PCDHA10: variants seen among roughly 807,000 people sequenced by gnomAD.
PCDHA10 encodes the protein protocadherin alpha 10, also known as protocadherin alpha-10.
PCDHA10 carries 45 observed loss-of-function variants against 61.2 expected under a neutral mutation model. The observed-to-expected ratio is 0.74, with a 90% CI of 0.58 to 0.94. The LOEUF (loss-of-function observed/expected upper bound fraction) is 0.94, where lower values mean the gene tolerates loss of function less well. PCDHA10 is among the 40% of genes least tolerant of loss of function. The pLI, the probability that PCDHA10 is intolerant of heterozygous loss-of-function variation, is 0.00. For synonymous variants in PCDHA10, 602 were observed against 548.8 expected (o/e 1.10, Z -1.35); for missense variants, 1,278 against 1,236.2 (o/e 1.03, Z -0.51).
chr5:140,869,028 G>T, intron 1 of PCDHA10: 1 of 1,526,584 alleles, frequency 6.6e-7, no homozygotes, highest in Middle Eastern at 1.8e-4. Context: ...AATTCAACGA[G>T]ATTTTTAACC....
intron 1 of PCDHA10, chr5:140,929,229 C>T: frequency 6.2e-7 from 1 of 1,613,880 alleles, no homozygotes; most frequent in South Asian, 1.1e-5. Context: ...ATGCTGCCGA[C>T]CTGCGAAATC....
At chr5:140,887,376 G>A (rs1169212781) in intron 1 of PCDHA10, among the ~76,000 whole-genome samples, 1 of 152,158 alleles carries the variant, frequency 6.6e-6, no homozygotes, top group Non-Finnish European at 1.5e-5. Context: ...GATTACAGGT[G>A]TGAGCCACCG....
At chr5:140,918,279 G>A (rs1554198513) in intron 1 of PCDHA10, among the ~76,000 whole-genome samples, 1 of 152,078 alleles carries the variant, frequency 6.6e-6, no homozygotes, top group African/African-American at 2.4e-5. Context: ...TCAGATGTAG[G>A]AGCTTTTTGG....
At chr5:140,986,231 C>A (rs2097191592) in intron 3 of PCDHA10, among the ~76,000 whole-genome samples, 1 of 152,210 alleles carries the variant, frequency 6.6e-6, no homozygotes, top group African/African-American at 2.4e-5. Context: ...AGCCTCCCCT[C>A]TGTGTGAGCA....
intron 1 of PCDHA10, among the ~76,000 whole-genome samples, chr5:140,878,711 G>A (rs944193090): frequency 6.6e-5 from 10 of 152,156 alleles, no homozygotes; most frequent in East Asian, 1.9e-4. Context: ...GGTAGTAAAG[G>A]CATTAAAATT....
intron 1 of PCDHA10, chr5:140,968,646 C>T (rs2153772882): frequency 6.2e-7 from 1 of 1,614,216 alleles, no homozygotes; most frequent in Non-Finnish European, 8.5e-7. Context: ...CTAGCCCAGA[C>T]TTCTGACCTG....
chr5:140,915,882 C>T lies in PCDHA10; in HGVS notation c.2388+57446C>T, dbSNP rs181276676. Among the ~76,000 whole-genome samples, 3 of 152,314 alleles carry T rather than the reference C, an allele frequency of 2.0e-5. No homozygotes were observed. In the East Asian group the frequency reaches 5.8e-4, roughly 29 times the overall value. ...GTTTGCATCCTTCCCTTTAGGGTAG[C>T]AAGTTCCCCCTGGCCCTGGGCAGGC... On this transcript the variant is annotated intron_variant, in intron 1 of 3. Coordinates refer to ENST00000307360, the MANE Select transcript of PCDHA10 (RefSeq NM_018901.4).
rs782327077 is a variant in PCDHA10 at position 140,857,883 on chromosome 5, C to T, written c.1835C>T (p.Ser612Leu). ...GCGTGGCTGTCGTATGAATTGCAGT[C>T]GGCGGCGGTTGGTGCACGCATCCCG... ...YNAWLSYELQSAAVGARIPFR... is the reference protein window; with the variant it reads ...YNAWLSYELQLAAVGARIPFR... Residue 612 changes from serine (S) to leucine (L), a missense_variant, in exon 1 of 4, where the codon TCG (serine) becomes TTG (leucine). Physicochemically the swap from Ser to Leu is moderately radical, Grantham distance 145. Transcript: ENST00000307360. 6.3e-7 allele frequency: 1 copy of T among 1,597,548 alleles called. No homozygotes were observed. The highest frequency in any genetic ancestry group is 1.7e-5 in the Admixed American group (1 of 59,226).
intron 3 of PCDHA10, among the ~76,000 whole-genome samples, chr5:141,007,315 C>A (rs1207897662): frequency 1.3e-5 from 2 of 148,308 alleles, no homozygotes; most frequent in Admixed American, 1.4e-4. Flanking sequence ...TTTTGGGAGG[C>A]TAAAGTGGAC....
intron 1 of PCDHA10, among the ~76,000 whole-genome samples, chr5:140,974,766 G>A (rs2096639663): frequency 6.6e-6 from 1 of 152,158 alleles, no homozygotes; most frequent in Non-Finnish European, 1.5e-5. Flanking sequence ...GGGATTACAG[G>A]TATGAGCCAC....
chr5:140,935,044 G>C (rs1246943645), intron 1 of PCDHA10, among the ~76,000 whole-genome samples: 1 of 151,942 alleles, frequency 6.6e-6, no homozygotes, highest in African/African-American at 2.4e-5. Context: ...CTTGATTTCT[G>C]GTATTACAAG....
chr5:140,943,751 T>C (rs947548745), intron 1 of PCDHA10, among the ~76,000 whole-genome samples: 1 of 152,048 alleles, frequency 6.6e-6, no homozygotes, highest in South Asian at 2.1e-4. Flanking sequence ...CTAAAAGCAG[T>C]AGGAGATGTA....
At chr5:140,871,314 G>T in intron 1 of PCDHA10, 2 of 1,614,048 alleles carry the variant, frequency 1.2e-6, no homozygotes, top group Non-Finnish European at 1.7e-6. Flanking sequence ...GGAAGCCCAC[G>T]CTGGTGTGCT....
At chr5:140,899,702 G>A (rs2067498720) in intron 1 of PCDHA10, among the ~76,000 whole-genome samples, 1 of 152,228 alleles carries the variant, frequency 6.6e-6, no homozygotes, top group African/African-American at 2.4e-5. Flanking sequence ...CATAAAATGA[G>A]TTAGGGAGGA....
intron 2 of PCDHA10, among the ~76,000 whole-genome samples, chr5:140,981,353 C>G (rs551731316): frequency 6.6e-6 from 1 of 152,048 alleles, no homozygotes; most frequent in East Asian, 1.9e-4. Context: ...GCAGGTGGAT[C>G]ACTTGAGGTC....
At chr5:140,913,997 A>G (rs2076553878) in intron 1 of PCDHA10, among the ~76,000 whole-genome samples, 1 of 152,170 alleles carries the variant, frequency 6.6e-6, no homozygotes, top group Admixed American at 6.5e-5. Flanking sequence ...TGACTAGCAT[A>G]TGGTCTATCT....
rs370676797 is a variant in PCDHA10, at chr5:141,009,968, A to G, written c.*31A>G. On this transcript the variant is annotated 3_prime_UTR_variant, in exon 4 of 4. Transcript: ENST00000307360. ...TCAAATGGAAACAAGCCACTTAGCC[A>G]GTTTTTGTAATAATGGCAAATCTCT... 1.4e-5 allele frequency: 22 copies of G among 1,586,626 alleles called. No homozygotes were observed. The highest frequency in any genetic ancestry group is 1.6e-5 in the Non-Finnish European group (19 of 1,169,786).
chr5:140,876,463 G>T, intron 1 of PCDHA10: 2 of 1,614,014 alleles, frequency 1.2e-6, no homozygotes, highest in Non-Finnish European at 1.7e-6. Flanking sequence ...TCCTTCCATG[G>T]CAGGTCACAG....
At chr5:140,868,341 T>C (rs1554161894) in intron 1 of PCDHA10, 1 of 152,158 alleles carries the variant, frequency 6.6e-6, no homozygotes, top group African/African-American at 2.4e-5. Flanking sequence ...AAGTCACTTA[T>C]AATCAGAAAG....
Sources: gnomAD v4.1 joint callset for allele counts (sites outside exome capture counted in the v4.1 genomes callset) on GRCh38, gnomAD v4.1.1 for gene constraint, MANE v1.5 for transcripts, NCBI Gene and HGNC (gene_info 2026-07-23, HGNC 2026-07-21) for gene names.